Variants in DEPDC1B observed in about 807,000 individuals in gnomAD.
The protein encoded by DEPDC1B is DEP domain-containing protein 1B.
A neutral mutation model predicts 66.5 loss-of-function variants in DEPDC1B; 51 were observed. The observed-to-expected ratio is 0.77, with a 90% CI of 0.61 to 0.97. DEPDC1B has a LOEUF of 0.97. Among genes scored for constraint, DEPDC1B ranks in the 50% least tolerant of loss-of-function variants. The pLI is 0.00. For missense variants in DEPDC1B, 552 were observed against 637.1 expected (o/e 0.87, Z 1.44); for synonymous variants, 226 against 223.6 (o/e 1.01, Z -0.10).
chr5:60,610,202 A>G (rs1752387821), intron 7 of DEPDC1B, among the ~76,000 whole-genome samples: 1 of 152,244 alleles, frequency 6.6e-6, no homozygotes, highest in Non-Finnish European at 1.5e-5. Flanking sequence ...TTGGGATTGT[A>G]GCCAGAATAT....
intron 2 of DEPDC1B, among the ~76,000 whole-genome samples, chr5:60,662,161 G>A (rs1443480971): frequency 6.6e-6 from 1 of 152,096 alleles, no homozygotes; most frequent in Non-Finnish European, 1.5e-5. Context: ...GGCTGAGGCA[G>A]GTGGATCACG....
chr5:60,609,416 A>T (rs1314597062), intron 7 of DEPDC1B, among the ~76,000 whole-genome samples: 1 of 152,132 alleles, frequency 6.6e-6, no homozygotes, highest in Admixed American at 6.6e-5. Flanking sequence ...ATCCATAATC[A>T]TTCCCCAAGA....
intron 9 of DEPDC1B, among the ~76,000 whole-genome samples, chr5:60,601,750 C>G (rs1418360525): frequency 6.6e-6 from 1 of 151,956 alleles, no homozygotes; most frequent in East Asian, 1.9e-4. Flanking sequence ...ATGATGATAC[C>G]AACAACAAAG....
Position 60,599,230 on chromosome 5 carries a change from T to C in DEPDC1B, c.1273A>G (p.Thr425Ala). Residue 425 changes from threonine (T) to alanine (A), a missense_variant, in exon 10 of 11, where the codon ACT (threonine) becomes GCT (alanine). By Grantham distance (58) the Thr-to-Ala change is moderately conservative (BLOSUM62 0). Coordinates refer to ENST00000265036, the MANE Select transcript of DEPDC1B (RefSeq NM_018369.3). ...IKYPGADMDI[T>A]LSAPSFCRQI... ...CGGCAAAATGATGGAGCAGATAAAG[T>C]GATATCCATATCAGCTCCTGGGTAT... 6.2e-7 allele frequency: 1 copy of C among 1,609,580 alleles called. No homozygotes were observed. The highest frequency in any genetic ancestry group is 1.1e-5 in the South Asian group (1 of 89,680).
intron 7 of DEPDC1B, among the ~76,000 whole-genome samples, chr5:60,613,043 T>C (rs555014833): frequency 6.6e-6 from 1 of 152,370 alleles, no homozygotes; most frequent in South Asian, 2.1e-4. Flanking sequence ...TTCATTATGC[T>C]TCTCTTCTCA....
chr5:60,608,807 A>G (rs1309196804), intron 7 of DEPDC1B, among the ~76,000 whole-genome samples: 4 of 152,144 alleles, frequency 2.6e-5, no homozygotes. Flanking sequence ...ATAATTTCAG[A>G]CTTTATGAAA....
chr5:60,657,099 A>G (rs1445493691), intron 2 of DEPDC1B, among the ~76,000 whole-genome samples: 1 of 152,222 alleles, frequency 6.6e-6, no homozygotes, highest in African/African-American at 2.4e-5. Flanking sequence ...GTCTGATATA[A>G]GAACAGCTAC....
intron 1 of DEPDC1B, among the ~76,000 whole-genome samples, chr5:60,691,140 G>A (rs577577893): frequency 2.4e-4 from 36 of 150,446 alleles, no homozygotes; most frequent in Non-Finnish European, 8.8e-5. Flanking sequence ...TGCAACCTCC[G>A]CCTCCCGGGT....
chr5:60,656,337 T>C (rs1753575547), intron 2 of DEPDC1B, among the ~76,000 whole-genome samples: 1 of 152,046 alleles, frequency 6.6e-6, no homozygotes, highest in Non-Finnish European at 1.5e-5. Context: ...ATTTTTTGTA[T>C]TTTCAGTAGA....
intron 2 of DEPDC1B, among the ~76,000 whole-genome samples, chr5:60,659,248 G>A (rs1022962866): frequency 6.6e-6 from 1 of 152,108 alleles, no homozygotes; most frequent in African/African-American, 2.4e-5. Context: ...CATCTTGGGA[G>A]CTCTAAGAAC....
intron 2 of DEPDC1B, among the ~76,000 whole-genome samples, chr5:60,665,157 G>A (rs1270669742): frequency 2.0e-5 from 3 of 152,206 alleles, no homozygotes; most frequent in South Asian, 2.1e-4. Flanking sequence ...GGAACCTCAC[G>A]AGGACATAGT....
intron 1 of DEPDC1B, among the ~76,000 whole-genome samples, chr5:60,688,801 A>C (rs1042018846): frequency 1.4e-4 from 21 of 152,184 alleles, no homozygotes; most frequent in Non-Finnish European, 1.3e-4. Flanking sequence ...AGATTTTGGG[A>C]GTCAAAAATC....
chr5:60,670,330 C>A (rs568934078), intron 2 of DEPDC1B, among the ~76,000 whole-genome samples: 1 of 152,150 alleles, frequency 6.6e-6, no homozygotes, highest in East Asian at 1.9e-4. Context: ...GCTGAGATCG[C>A]GCCACTGCAC....
chr5:60,622,424 A>G (rs1404153874), intron 7 of DEPDC1B, among the ~76,000 whole-genome samples: 2 of 152,230 alleles, frequency 1.3e-5, no homozygotes, highest in African/African-American at 4.8e-5. Context: ...TTGCATGGAT[A>G]TACTACAAAA....
At chr5:60,649,767 C>A (rs1315947181) in intron 2 of DEPDC1B, among the ~76,000 whole-genome samples, 1 of 151,886 alleles carries the variant, frequency 6.6e-6, no homozygotes, top group Non-Finnish European at 1.5e-5. Flanking sequence ...GTGTGCCCCC[C>A]TAAAAAGAAA....
At position 60,597,619 on chromosome 5, in the gene DEPDC1B, G is replaced by A. The variant is rs1356114294; in HGVS notation, c.*134C>T. The A allele has an allele frequency of 5.1e-6, 5 of 972,726 alleles. No homozygotes were observed. Among genetic ancestry groups the A allele is most frequent in the East Asian group, 2.8e-5 (1 of 36,188 alleles). 60.3% of individuals were successfully genotyped at this position (972,726 alleles called of 1,614,324 possible). On this transcript the variant is annotated 3_prime_UTR_variant, in exon 11 of 11. Coordinates refer to ENST00000265036, the MANE Select transcript of DEPDC1B (RefSeq NM_018369.3). ...ATGGCCAAACATTTTTAAAAACTAA[G>A]GCAATCTTTATCTATATTTCAGTAG...
At chr5:60,620,692 G>A (rs1449575722) in intron 7 of DEPDC1B, among the ~76,000 whole-genome samples, 5 of 152,176 alleles carry the variant, frequency 3.3e-5, no homozygotes, top group Non-Finnish European at 7.4e-5. Flanking sequence ...ACTGTTGGTG[G>A]GACTGTAAAC....
intron 2 of DEPDC1B, among the ~76,000 whole-genome samples, chr5:60,658,211 T>A (rs949123885): frequency 6.6e-6 from 1 of 152,198 alleles, no homozygotes; most frequent in Non-Finnish European, 1.5e-5. Context: ...TATCATTTTT[T>A]AAATTTCTTT....
At chr5:60,622,706 G>GT (rs1752730660) in intron 7 of DEPDC1B, among the ~76,000 whole-genome samples, 1 of 152,204 alleles carries the variant, frequency 6.6e-6, no homozygotes. Context: ...TTATGTCAGT[G>GT]TCTTTGGCTT....
Sources: gnomAD v4.1 joint callset for allele counts (sites outside exome capture counted in the v4.1 genomes callset) on GRCh38, gnomAD v4.1.1 for gene constraint, MANE v1.5 for transcripts, NCBI Gene and HGNC (gene_info 2026-07-23, HGNC 2026-07-21) for gene names.